SEMA6D: variants seen among roughly 807,000 people sequenced by gnomAD.
The protein encoded by SEMA6D is semaphorin 6D.
Under a neutral mutation model 106.6 loss-of-function variants are expected in SEMA6D, and 35 were observed. That is an observed-to-expected ratio of 0.33 (90% confidence interval 0.25 to 0.44). The LOEUF (loss-of-function observed/expected upper bound fraction) is 0.44, where lower values mean the gene tolerates loss of function less well. Ranked by LOEUF, SEMA6D falls within the 20% of genes least tolerant of loss-of-function variation. SEMA6D has a pLI of 1.00. For synonymous variants in SEMA6D, 499 were observed against 487.7 expected (o/e 1.02, Z -0.31); for missense variants, 1,185 against 1,345.9 (o/e 0.88, Z 1.87).
At chr15:47,184,631 C>T (rs1297189359) in intron 1 of SEMA6D, among the ~76,000 whole-genome samples, 1 of 152,024 alleles carries the variant, frequency 6.6e-6, no homozygotes, top group Non-Finnish European at 1.5e-5. Flanking sequence ...TGGCCCGAGG[C>T]GGCGGCAGAG....
At chr15:47,639,096 T>C (rs1165918981) in intron 4 of SEMA6D, among the ~76,000 whole-genome samples, 1 of 152,174 alleles carries the variant, frequency 6.6e-6, no homozygotes, top group Non-Finnish European at 1.5e-5. Context: ...GGTTTTAAAC[T>C]ACATGCCCTC....
chr15:47,362,574 C>A (rs1178851200), intron 1 of SEMA6D, among the ~76,000 whole-genome samples: 1 of 152,114 alleles, frequency 6.6e-6, no homozygotes, highest in Non-Finnish European at 1.5e-5. Flanking sequence ...GTGAGCTTGC[C>A]AGCCCCAAAG....
At chr15:47,695,820 T>C (rs2078687221) in intron 4 of SEMA6D, among the ~76,000 whole-genome samples, 1 of 152,198 alleles carries the variant, frequency 6.6e-6, no homozygotes, top group South Asian at 2.1e-4. Context: ...CTGGAGCATG[T>C]AATGAGTTAT....
In SEMA6D at chr15:47,774,164, A is replaced by G. The variant is rs527398360; in HGVS notation, c.*2379A>G. 5.9e-5 allele frequency: 9 copies of G among 152,776 alleles called. No individual in the cohort carries two copies. The highest frequency in any genetic ancestry group is 1.7e-4 in the African/African-American group (7 of 41,582). 9.5% of individuals were successfully genotyped at this position (152,776 alleles called of 1,614,324 possible). On this transcript the variant is annotated 3_prime_UTR_variant, in exon 19 of 19. Coordinates refer to ENST00000536845, the MANE Select transcript of SEMA6D (RefSeq NM_001358351.3). ...CTTGTATTGTGGATGTGTAAATAAT[A>G]TGTACTTTGGGTTTTTAACACCGCA...
chr15:47,341,262 C>T (rs910526590), intron 1 of SEMA6D, among the ~76,000 whole-genome samples: 11 of 151,828 alleles, frequency 7.2e-5, no homozygotes, highest in South Asian at 2.1e-4. Flanking sequence ...TGGTGGTGGG[C>T]GCCTGTAATC....
chr15:47,542,976 C>A (rs911194984), intron 3 of SEMA6D, among the ~76,000 whole-genome samples: 6 of 152,118 alleles, frequency 3.9e-5, no homozygotes, highest in African/African-American at 1.4e-4. Flanking sequence ...AGGTGCCCTG[C>A]TGAATGTTCC....
In SEMA6D at chr15:47,296,987, C is replaced by T. The variant is rs1028659430; in HGVS notation, c.-239+112569C>T. Among the ~76,000 whole-genome samples the T allele has an allele frequency of 9.2e-5, 14 of 152,070 alleles. 1 individual carries two copies. The highest frequency in any genetic ancestry group is 6.2e-4 in the South Asian group (3 of 4,822). On this transcript the variant is annotated intron_variant, in intron 1 of 19. Coordinates refer to the SEMA6D transcript ENST00000558014. ...TTATAACACAGCCCTTTCTTCCCCCCGCAAAACAGTTCTCAAGCCCATTTT... is the reference window on the plus strand; with the variant it reads ...TTATAACACAGCCCTTTCTTCCCCCTGCAAAACAGTTCTCAAGCCCATTTT...
At chr15:47,658,843 C>T (rs925829599) in intron 4 of SEMA6D, among the ~76,000 whole-genome samples, 2 of 152,086 alleles carry the variant, frequency 1.3e-5, no homozygotes, top group African/African-American at 4.8e-5. Context: ...AACACACACA[C>T]ATATGTGCAC....
intron 1 of SEMA6D, among the ~76,000 whole-genome samples, chr15:47,404,709 A>G (rs536226645): frequency 2.8e-3 from 430 of 152,304 alleles, no homozygotes; most frequent in African/African-American, 9.9e-3. Context: ...GAGAATGATA[A>G]CAGCTCACAT....
At chr15:47,501,389 G>A (rs1474623439) in intron 3 of SEMA6D, among the ~76,000 whole-genome samples, 1 of 152,118 alleles carries the variant, frequency 6.6e-6, no homozygotes. Context: ...AATACATAAG[G>A]ACACATCAGG....
At chr15:47,186,081 A>G (rs1238346211) in intron 1 of SEMA6D, among the ~76,000 whole-genome samples, 1 of 152,162 alleles carries the variant, frequency 6.6e-6, no homozygotes, top group Non-Finnish European at 1.5e-5. Flanking sequence ...GCATGTATAT[A>G]TATGTGTGTG....
intron 4 of SEMA6D, among the ~76,000 whole-genome samples, chr15:47,683,208 C>T (rs2078396074): frequency 6.6e-6 from 1 of 152,196 alleles, no homozygotes; most frequent in Non-Finnish European, 1.5e-5. Flanking sequence ...CCTCACCTCT[C>T]ACCTACCCTT....
At chr15:47,451,553 G>A (rs936190818) in intron 2 of SEMA6D, among the ~76,000 whole-genome samples, 2 of 151,902 alleles carry the variant, frequency 1.3e-5, no homozygotes, top group African/African-American at 4.8e-5. Context: ...AATGACTTTG[G>A]GGAAGGAATA....
At chr15:47,334,964 TC>T (rs1199573121) in intron 1 of SEMA6D, among the ~76,000 whole-genome samples, 2 of 152,194 alleles carry the variant, frequency 1.3e-5, no homozygotes, top group Admixed American at 1.3e-4. Flanking sequence ...AAAAGAGACT[TC>T]CGAGTCAGGC....
chr15:47,257,736 A>G (rs938954998), intron 1 of SEMA6D, among the ~76,000 whole-genome samples: 1 of 152,062 alleles, frequency 6.6e-6, no homozygotes, highest in African/African-American at 2.4e-5. Context: ...ACTTGAAAAA[A>G]AAAAATCCTG....
intron 3 of SEMA6D, among the ~76,000 whole-genome samples, chr15:47,536,074 G>C (rs1415409323): frequency 6.6e-6 from 1 of 152,110 alleles, no homozygotes; most frequent in South Asian, 2.1e-4. Context: ...TAACTGCTTT[G>C]GAAAGATTGA....
chr15:47,238,224 T>G (rs1167127108), intron 1 of SEMA6D, among the ~76,000 whole-genome samples: 1 of 152,124 alleles, frequency 6.6e-6, no homozygotes, highest in Non-Finnish European at 1.5e-5. Flanking sequence ...CACAAACCAC[T>G]GAAGAGAATA....
At chr15:47,650,778 T>C (rs1326960199) in intron 4 of SEMA6D, among the ~76,000 whole-genome samples, 1 of 152,172 alleles carries the variant, frequency 6.6e-6, no homozygotes, top group African/African-American at 2.4e-5. Context: ...CAGGGTGATA[T>C]TGCTTTCTCT....
chr15:47,294,331 C>A (rs2035719805), intron 1 of SEMA6D, among the ~76,000 whole-genome samples: 1 of 152,004 alleles, frequency 6.6e-6, no homozygotes, highest in Non-Finnish European at 1.5e-5. Flanking sequence ...TCAAGCGATT[C>A]TCCTGCCTCA....
Sources: gnomAD v4.1 joint callset for allele counts (sites outside exome capture counted in the v4.1 genomes callset) on GRCh38, gnomAD v4.1.1 for gene constraint, MANE v1.5 for transcripts, NCBI Gene and HGNC (gene_info 2026-07-23, HGNC 2026-07-21) for gene names.